The following CNTN6 variants were observed in gnomAD, a reference collection of about 807,000 sequenced individuals.
The protein encoded by CNTN6 is contactin-6.
A neutral mutation model predicts 122.8 loss-of-function variants in CNTN6; 137 were observed. The observed-to-expected ratio is 1.12, with a 90% CI of 0.97 to 1.29. CNTN6 has a LOEUF of 1.29. Ranked by LOEUF, CNTN6 falls within the 50% of genes most tolerant of loss-of-function variation. CNTN6 has a pLI of 0.00. For missense variants in CNTN6, 1,634 were observed against 1,223.4 expected, an observed-to-expected ratio of 1.34 and a Z score of -5.01; for synonymous variants, 570 against 426.0, an observed-to-expected ratio of 1.34 and a Z score of -4.16.
chr3:1,230,890 G>T (rs1455342822), intron 4 of CNTN6, among the ~76,000 whole-genome samples: 1 of 152,104 alleles, frequency 6.6e-6, no homozygotes, highest in Admixed American at 6.6e-5. Context: ...GTATCTTCAG[G>T]ACAGAATGGG....
chr3:1,346,366 G>A (rs76424585), intron 11 of CNTN6, among the ~76,000 whole-genome samples: 13 of 152,126 alleles, frequency 8.5e-5, no homozygotes, highest in African/African-American at 3.1e-4. Flanking sequence ...TTGGGCCTTG[G>A]GGACAGATCC....
intron 4 of CNTN6, among the ~76,000 whole-genome samples, chr3:1,262,895 C>G (rs1180209105): frequency 6.6e-6 from 1 of 150,510 alleles, no homozygotes; most frequent in Non-Finnish European, 1.5e-5. Flanking sequence ...TAAATAAATC[C>G]AAGAAGATAA....
intron 12 of CNTN6, among the ~76,000 whole-genome samples, chr3:1,355,638 GT>G (rs1706423596): frequency 6.6e-6 from 1 of 151,800 alleles, no homozygotes; most frequent in South Asian, 2.1e-4. Context: ...TATGATTGCT[GT>G]TACAGAATCA....
intron 12 of CNTN6, among the ~76,000 whole-genome samples, chr3:1,368,724 G>T (rs376602607): frequency 6.6e-6 from 1 of 151,938 alleles, no homozygotes; most frequent in African/African-American, 2.4e-5. Flanking sequence ...TTATTATATC[G>T]TATAAAATTA....
At position 1,265,781 on chromosome 3, in the gene CNTN6, G is replaced by A. The variant is rs190441320; in HGVS notation, c.359-12632G>A. On this transcript the variant is annotated intron_variant, in intron 4 of 22. Coordinates refer to ENST00000446702, the MANE Select transcript of CNTN6 (RefSeq NM_001289080.2). The stretch of plus-strand genomic sequence containing the variant: ...ATGTCCTCTGGAGCTCAGATGGCCC[G>A]TTTTCCTCAACAAGGTTTTTCAGCT... Among the ~76,000 whole-genome samples, 154 of 152,120 alleles carry A rather than the reference G, an allele frequency of 1.0e-3. 1 individual carries two copies. Among genetic ancestry groups the A allele is most frequent in the African/African-American group, 3.6e-3 (148 of 41,516 alleles).
intron 2 of CNTN6, among the ~76,000 whole-genome samples, chr3:1,174,921 AC>A (rs2093421246): frequency 6.6e-6 from 1 of 152,160 alleles, no homozygotes; most frequent in Non-Finnish European, 1.5e-5. Flanking sequence ...ACTCCCAAGC[AC>A]ATCTATAATC....
At chr3:1,212,429 T>C (rs943690140) in intron 2 of CNTN6, among the ~76,000 whole-genome samples, 1 of 151,590 alleles carries the variant, frequency 6.6e-6, no homozygotes, top group African/African-American at 2.4e-5. Flanking sequence ...TATAGTAGTA[T>C]GTATACACAT....
chr3:1,306,608 G>A (rs1407269160), intron 7 of CNTN6, among the ~76,000 whole-genome samples: 3 of 151,836 alleles, frequency 2.0e-5, no homozygotes, highest in Non-Finnish European at 4.4e-5. Flanking sequence ...GATGACTTTG[G>A]TCAGTTTTCT....
At chr3:1,371,671 A>G (rs1039994830) in intron 12 of CNTN6, among the ~76,000 whole-genome samples, 2 of 152,154 alleles carry the variant, frequency 1.3e-5, no homozygotes, top group Admixed American at 1.3e-4. Flanking sequence ...ATTGACATAG[A>G]GAACATTTCT....
At chr3:1,247,751 C>A (rs1559604974) in intron 4 of CNTN6, among the ~76,000 whole-genome samples, 1 of 152,190 alleles carries the variant, frequency 6.6e-6, no homozygotes, top group East Asian at 1.9e-4. Flanking sequence ...CCCTCACAGA[C>A]ATGCAATGCT....
intron 7 of CNTN6, among the ~76,000 whole-genome samples, chr3:1,315,873 A>G (rs1300620239): frequency 6.6e-6 from 1 of 151,846 alleles, no homozygotes; most frequent in Non-Finnish European, 1.5e-5. Context: ...ACACACACTC[A>G]TGCTTGTGTA....
chr3:1,276,236 A>G (rs1692335851), intron 4 of CNTN6, among the ~76,000 whole-genome samples: 1 of 152,134 alleles, frequency 6.6e-6, no homozygotes, highest in South Asian at 2.1e-4. Flanking sequence ...ATCTAACAGG[A>G]TGCTTATATT....
chr3:1,360,112 T>C (rs551878873), intron 12 of CNTN6, among the ~76,000 whole-genome samples: 1 of 152,186 alleles, frequency 6.6e-6, no homozygotes, highest in Admixed American at 6.6e-5. Context: ...TAATCTTTCA[T>C]GTTTGAAAGT....
At chr3:1,363,817 A>G (rs1707820190) in intron 12 of CNTN6, among the ~76,000 whole-genome samples, 1 of 151,754 alleles carries the variant, frequency 6.6e-6, no homozygotes, top group African/African-American at 2.4e-5. Flanking sequence ...TCTATTTTTA[A>G]TTTTAGGGAA....
intron 7 of CNTN6, among the ~76,000 whole-genome samples, chr3:1,319,874 A>AAAATAAAATG (rs1290099156): frequency 6.6e-6 from 1 of 150,672 alleles, no homozygotes; most frequent in Non-Finnish European, 1.5e-5. Flanking sequence ...AAAATAAAAT[A>AAAATAAAATG]AAAGACATTT....
At chr3:1,364,897 C>G (rs539192595) in intron 12 of CNTN6, among the ~76,000 whole-genome samples, 1 of 151,860 alleles carries the variant, frequency 6.6e-6, no homozygotes, top group South Asian at 2.1e-4. Flanking sequence ...TAACTTTTAG[C>G]TCACTGACAG....
intron 2 of CNTN6, among the ~76,000 whole-genome samples, chr3:1,180,286 G>T (rs562856208): frequency 6.6e-6 from 1 of 152,180 alleles, no homozygotes; most frequent in Admixed American, 6.6e-5. Context: ...AAGAATTAAT[G>T]AATCAAGATG....
At position 1,383,091 on chromosome 3, in the gene CNTN6, T is replaced by G. The variant is rs141777430; in HGVS notation, c.2316T>G (p.Ser772=). The change falls in exon 18 of 23, where the codon TCT becomes TCG. Residue 772 remains serine (S), a synonymous_variant. Coordinates refer to ENST00000446702, the MANE Select transcript of CNTN6 (RefSeq NM_001289080.2). ...VYRNESIIPL[S]PFEVKVGVYN... ...GAAATGAAAGCATCATCCCACTGTC[T>G]CCCTTTGAAGTCAAAGTGGGTGTGT... The G allele has an allele frequency of 4.3e-6, 7 of 1,613,890 alleles. No homozygotes were observed. The highest frequency in any genetic ancestry group is 1.1e-5 in the South Asian group (1 of 91,082).
intron 7 of CNTN6, among the ~76,000 whole-genome samples, chr3:1,299,773 A>G (rs1262210487): frequency 6.6e-6 from 1 of 152,110 alleles, no homozygotes; most frequent in Admixed American, 6.5e-5. Context: ...TCAATTCCCA[A>G]TTTTCTGAAG....
Sources: allele counts gnomAD v4.1 joint callset (sites outside exome capture counted in the v4.1 genomes callset), GRCh38; gene constraint gnomAD v4.1.1; transcripts MANE v1.5; gene names NCBI Gene and HGNC (gene_info 2026-07-23, HGNC 2026-07-21).